Variants in ST6GALNAC3 observed in about 807,000 individuals in gnomAD.
ST6GALNAC3 encodes alpha-N-acetylgalactosaminide alpha-2,6-sialyltransferase 3.
In ST6GALNAC3, 25 loss-of-function variants were observed where a neutral mutation model predicts 32.7. The ratio of observed to expected loss-of-function variants is 0.76; its 90% CI spans 0.56 to 1.07. The LOEUF is 1.07. Among genes scored for constraint, ST6GALNAC3 ranks in the 50% least tolerant of loss-of-function variants. ST6GALNAC3 has a pLI of 0.00. For missense variants in ST6GALNAC3, 355 were observed against 382.4 expected, an observed-to-expected ratio of 0.93 and a Z score of 0.60; for synonymous variants, 129 against 133.1, an observed-to-expected ratio of 0.97 and a Z score of 0.21.
intron 1 of ST6GALNAC3, among the ~76,000 whole-genome samples, chr1:76,105,566 C>A (rs1290404794): frequency 6.6e-6 from 1 of 152,186 alleles, no homozygotes; most frequent in East Asian, 1.9e-4. Context: ...GCTCTCTCCA[C>A]TTTTCCACAC....
chr1:76,476,444 T>C (rs1389857231), intron 3 of ST6GALNAC3, among the ~76,000 whole-genome samples: 8 of 152,170 alleles, frequency 5.3e-5, no homozygotes. Context: ...ACTAGAGTGC[T>C]TATGCCAGTA....
intron 2 of ST6GALNAC3, among the ~76,000 whole-genome samples, chr1:76,342,275 G>A (rs939050218): frequency 6.6e-6 from 1 of 152,106 alleles, no homozygotes; most frequent in Non-Finnish European, 1.5e-5. Flanking sequence ...GATTCTTGAG[G>A]AATCACCAAA....
chr1:76,434,784 G>GTTTTTTTT (rs1211703628), intron 3 of ST6GALNAC3, among the ~76,000 whole-genome samples: 45 of 72,208 alleles, frequency 6.2e-4, no homozygotes, highest in Admixed American at 9.4e-4. Flanking sequence ...TTTTTTCTCT[G>GTTTTTTTT]TTTTTTTTTT....
In ST6GALNAC3 at chr1:76,339,930, G is replaced by A. The variant is rs552998622; in HGVS notation, c.213+25931G>A. ...GACATTTAGCAAAAACCTCAAGGAA[G>A]TGGGAGAGAAAGTCATACAGATATT... On this transcript the variant is annotated intron_variant, in intron 2 of 4. Transcript: ENST00000328299. 3.3e-5 allele frequency among the ~76,000 whole-genome samples: 5 copies of A among 152,342 alleles called. No homozygotes were observed. The South Asian group carries it at 1.0e-3, about 32-fold the overall frequency.
At chr1:76,566,923 T>C (rs1283120466) in intron 3 of ST6GALNAC3, among the ~76,000 whole-genome samples, 1 of 152,176 alleles carries the variant, frequency 6.6e-6, no homozygotes, top group Non-Finnish European at 1.5e-5. Context: ...CATTTTACCA[T>C]TGAAAATTCC....
At chr1:76,402,163 C>G (rs1653473679) in intron 2 of ST6GALNAC3, among the ~76,000 whole-genome samples, 1 of 152,034 alleles carries the variant, frequency 6.6e-6, no homozygotes, top group Non-Finnish European at 1.5e-5. Context: ...ATCTTCTGTA[C>G]TTTGGGTTTT....
intron 3 of ST6GALNAC3, among the ~76,000 whole-genome samples, chr1:76,584,672 A>T (rs1302674883): frequency 6.6e-6 from 1 of 152,224 alleles, no homozygotes; most frequent in Non-Finnish European, 1.5e-5. Flanking sequence ...AAAGAGAAAC[A>T]TATAAGGAAT....
chr1:76,166,747 TTATTA>T (rs1393620940), intron 1 of ST6GALNAC3, among the ~76,000 whole-genome samples: 2 of 152,182 alleles, frequency 1.3e-5, no homozygotes, highest in Non-Finnish European at 1.5e-5. Context: ...CTTAAGTATT[TTATTA>T]TTTTTATGGC....
At chr1:76,218,823 A>C (rs1361925421) in intron 1 of ST6GALNAC3, among the ~76,000 whole-genome samples, 1 of 152,152 alleles carries the variant, frequency 6.6e-6, no homozygotes, top group Admixed American at 6.5e-5. Flanking sequence ...AGATTGTTCT[A>C]TTTGTTATTG....
chr1:76,564,794 A>G (rs2100452150), intron 3 of ST6GALNAC3, among the ~76,000 whole-genome samples: 1 of 152,154 alleles, frequency 6.6e-6, no homozygotes, highest in Admixed American at 6.5e-5. Flanking sequence ...ACCGTTAGCC[A>G]GGATGGTCTC....
intron 3 of ST6GALNAC3, among the ~76,000 whole-genome samples, chr1:76,595,689 G>A (rs201362443): frequency 6.6e-6 from 1 of 150,900 alleles, no homozygotes; most frequent in Non-Finnish European, 1.5e-5. Flanking sequence ...TCATACACAC[G>A]CACACACACA....
chr1:76,088,802 A>G (rs962852612), intron 1 of ST6GALNAC3, among the ~76,000 whole-genome samples: 2 of 152,244 alleles, frequency 1.3e-5, no homozygotes, highest in African/African-American at 4.8e-5. Flanking sequence ...TGCAGTCAAC[A>G]AAAGAATGAT....
At chr1:76,225,725 C>T (rs2100619243) in intron 1 of ST6GALNAC3, among the ~76,000 whole-genome samples, 1 of 152,244 alleles carries the variant, frequency 6.6e-6, no homozygotes, top group East Asian at 1.9e-4. Context: ...AAGTTACATG[C>T]ATCCATGAGT....
At chr1:76,557,530 A>G (rs1013046340) in intron 3 of ST6GALNAC3, among the ~76,000 whole-genome samples, 3 of 152,108 alleles carry the variant, frequency 2.0e-5, no homozygotes, top group Non-Finnish European at 4.4e-5. Context: ...ATGCATCTAA[A>G]TTCTGCAGTG....
chr1:76,548,930 C>T (rs1570223458), intron 3 of ST6GALNAC3, among the ~76,000 whole-genome samples: 1 of 152,210 alleles, frequency 6.6e-6, no homozygotes, highest in South Asian at 2.1e-4. Context: ...GTGCCCTGTG[C>T]CTGATGAATA....
Position 76,628,951 on chromosome 1 carries a change from T to G in ST6GALNAC3, c.*145T>G, listed in dbSNP as rs1570489171. 1 of 1,453,862 alleles carries G rather than the reference T, an allele frequency of 6.9e-7. No homozygotes were observed. The highest frequency in any genetic ancestry group is 9.0e-7 in the Non-Finnish European group (1 of 1,113,312). The allele number at this position is 1,453,862 out of a possible 1,614,324, so 90.1% of individuals were successfully genotyped here. A position where few individuals can be genotyped will look rare whatever the true frequency, so the allele number is the denominator to read the frequency against. On this transcript the variant is annotated 3_prime_UTR_variant, in exon 5 of 5. Coordinates refer to ENST00000328299, the MANE Select transcript of ST6GALNAC3 (RefSeq NM_152996.4). ...CCTGTACACTCTCAGATGTGGATGG[T>G]GACTCTGCTAGTAATTTAAACTTGG...
intron 1 of ST6GALNAC3, among the ~76,000 whole-genome samples, chr1:76,122,574 G>T (rs766616730): frequency 5.3e-5 from 8 of 152,192 alleles, no homozygotes; most frequent in Non-Finnish European, 1.2e-4. Context: ...TGCACCACTT[G>T]TAATTATGTG....
chr1:76,426,093 A>G lies in ST6GALNAC3; in HGVS notation c.623+13676A>G, dbSNP rs115549428. ...TTTGCCCCATTTTCTTTAGGTCTTG[A>G]TTCAAATGTCGCCTTATAAGAGAGC... On this transcript the variant is annotated intron_variant, in intron 3 of 4. Transcript: ENST00000328299. 3.8e-3 allele frequency among the ~76,000 whole-genome samples: 583 copies of G among 151,846 alleles called. 4 individuals carry two copies. Among genetic ancestry groups the G allele is most frequent in the African/African-American group, 0.013 (539 of 41,466 alleles).
rs557432264 is a variant in ST6GALNAC3 at position 76,368,170 on chromosome 1, G to A, written c.214-43838G>A. Among the ~76,000 whole-genome samples the A allele has an allele frequency of 4.6e-5, 7 of 152,212 alleles. 1 individual carries two copies. Among genetic ancestry groups the A allele is most frequent in the African/African-American group, 1.7e-4 (7 of 41,530 alleles). On this transcript the variant is annotated intron_variant, in intron 2 of 4. Coordinates refer to ENST00000328299, the MANE Select transcript of ST6GALNAC3 (RefSeq NM_152996.4). The stretch of plus-strand genomic sequence containing the variant: ...CATGTACCTTACAGTCTCTGTGACA[G>A]CTAATCAACTCTGCCGTCGTAGAGA...
Sources: gnomAD v4.1 joint callset for allele counts (sites outside exome capture counted in the v4.1 genomes callset) on GRCh38, gnomAD v4.1.1 for gene constraint, MANE v1.5 for transcripts, NCBI Gene and HGNC (gene_info 2026-07-23, HGNC 2026-07-21) for gene names.